Variants in ATP2C2 observed in about 807,000 individuals in gnomAD.
The protein encoded by ATP2C2 is calcium-transporting ATPase type 2C member 2.
A neutral mutation model predicts 110.8 loss-of-function variants in ATP2C2; 171 were observed. That is an observed-to-expected ratio of 1.54 (90% confidence interval 1.36 to 1.75). ATP2C2 has a LOEUF of 1.75. Ranked by LOEUF, ATP2C2 falls within the 40% of genes most tolerant of loss-of-function variation. The probability of loss-of-function intolerance (pLI) is 0.00; values close to 1 mark genes in which losing one functional copy is unlikely to be tolerated. For synonymous variants in ATP2C2, 804 were observed against 508.4 expected (o/e 1.58, Z -7.82); for missense variants, 1,963 against 1,235.0 (o/e 1.59, Z -8.84).
Position 84,422,371 on chromosome 16 carries a change from T to C in ATP2C2, c.625-19T>C. The C allele has an allele frequency of 6.2e-7, 1 of 1,610,102 alleles. No homozygotes were observed. The highest frequency in any genetic ancestry group is 1.1e-5 in the South Asian group (1 of 90,686). On this transcript the variant is annotated intron_variant, in intron 7 of 26. Coordinates refer to ENST00000262429, the MANE Select transcript of ATP2C2 (RefSeq NM_014861.4). The stretch of plus-strand genomic sequence containing the variant: ...GGGTGACAGAGAGATTCCACAGCCT[T>C]TTCCCCTTGCTCTCCTAGGTCACGG...
At chr16:84,446,303 A>C (rs1477447871) in intron 15 of ATP2C2, 26 bp from the exon 16 acceptor site, 1 of 1,450,434 alleles carries the variant, frequency 6.9e-7, no homozygotes, top group Non-Finnish European at 9.5e-7. Flanking sequence ...ATGACTCACT[A>C]AAAATGTGTC....
rs556464499 is a variant in ATP2C2, at chr16:84,422,594, C to A, written c.775-35C>A. 7 of 1,611,216 alleles carry A rather than the reference C, an allele frequency of 4.3e-6. No individual in the cohort carries two copies. The African/African-American group carries it at 8.0e-5, about 18-fold the overall frequency. On this transcript the variant is annotated intron_variant, in intron 8 of 26. Transcript: ENST00000262429. ...TCCCGTAACCCACAGGCTCCCAGCC[C>A]TTAGATTTCATACTTCTCTCTCTCC...
chr16:84,439,202 C>G lies in ATP2C2; in HGVS notation c.1023C>G (p.Ile341Met), dbSNP rs371072369. 6 of 1,612,274 alleles carry G rather than the reference C, an allele frequency of 3.7e-6. No homozygotes were observed. The East Asian group carries it at 1.3e-4, about 36-fold the overall frequency. The change falls in exon 12 of 27, where the codon ATC becomes ATG. Residue 341 changes from isoleucine to methionine, a missense_variant. Ile to Met is a conservative substitution (Grantham distance 10, BLOSUM62 1). Transcript: ENST00000262429. ...CGGCCATTCCAGAGGGTCTGCCCAT[C>G]GTCGTCATGGTGACGCTGGTCCTGG... ...AVAAIPEGLP[I>M]VVMVTLVLGV... is the part of the protein sequence containing the mutation.
chr16:84,386,029 A>G (rs184438410), intron 1 of ATP2C2, among the ~76,000 whole-genome samples: 54 of 152,340 alleles, frequency 3.5e-4, no homozygotes, highest in South Asian at 1.0e-3. Context: ...GGTGACTGCC[A>G]TGCCCTCTTG....
chr16:84,435,924 T>C (rs994215891), intron 11 of ATP2C2, among the ~76,000 whole-genome samples: 1 of 151,902 alleles, frequency 6.6e-6, no homozygotes, highest in Non-Finnish European at 1.5e-5. Flanking sequence ...AGGCCAGGAG[T>C]TCAAGACCAG....
At chr16:84,426,261 A>G (rs1907807607) in intron 11 of ATP2C2, among the ~76,000 whole-genome samples, 1 of 152,068 alleles carries the variant, frequency 6.6e-6, no homozygotes, top group African/African-American at 2.4e-5. Context: ...GAGATGCCAC[A>G]TGCTTTGAAA....
chr16:84,459,533 C>T (rs1295392061), intron 23 of ATP2C2, 147 bp downstream of exon 23: 12 of 1,548,046 alleles, frequency 7.8e-6, no homozygotes, highest in Middle Eastern at 1.7e-4. Context: ...AAGTGTGTTG[C>T]ACTGCAGTGA....
At chr16:84,402,284 C>T (rs1258838066) in intron 2 of ATP2C2, among the ~76,000 whole-genome samples, 2 of 152,170 alleles carry the variant, frequency 1.3e-5, no homozygotes, top group African/African-American at 4.8e-5. Flanking sequence ...AATTTGACTT[C>T]TTCCTTTCCA....
At chr16:84,461,599 T>A in intron 24 of ATP2C2, 115 bp from the exon 25 acceptor site, 1 of 906,634 alleles carries the variant, frequency 1.1e-6, no homozygotes, top group Non-Finnish European at 1.8e-6. Flanking sequence ...ATTCATGAGC[T>A]TGTAAGTGGC....
chr16:84,416,469 C>G (rs1042497298), intron 7 of ATP2C2, among the ~76,000 whole-genome samples: 1 of 152,162 alleles, frequency 6.6e-6, no homozygotes, highest in African/African-American at 2.4e-5. Context: ...CAAGGACCCG[C>G]TATTAAGAGG....
intron 24 of ATP2C2, 80 bp downstream of exon 24, chr16:84,460,881 C>T: frequency 1.3e-6 from 2 of 1,491,334 alleles, no homozygotes; most frequent in Non-Finnish European, 1.8e-6. Flanking sequence ...TGCCCTCCTG[C>T]CACAGCTCAC....
chr16:84,441,790 C>G (rs1355621230), intron 14 of ATP2C2, among the ~76,000 whole-genome samples: 2 of 152,142 alleles, frequency 1.3e-5, no homozygotes, highest in Admixed American at 1.3e-4. Flanking sequence ...GGCATGGTGG[C>G]ACACACCTGT....
intron 15 of ATP2C2, among the ~76,000 whole-genome samples, chr16:84,443,878 G>A (rs1343350096): frequency 6.6e-6 from 1 of 152,152 alleles, no homozygotes; most frequent in Non-Finnish European, 1.5e-5. Context: ...TAAGAACATT[G>A]GAAAGTCATT....
At chr16:84,431,148 A>G (rs1908243889) in intron 11 of ATP2C2, among the ~76,000 whole-genome samples, 1 of 152,174 alleles carries the variant, frequency 6.6e-6, no homozygotes. Context: ...ATTAATAAAA[A>G]TAATTACAAC....
intron 23 of ATP2C2, 146 bp downstream of exon 23, chr16:84,459,532 G>A: frequency 6.5e-7 from 1 of 1,548,006 alleles, no homozygotes; most frequent in Non-Finnish European, 8.7e-7. Flanking sequence ...GAAGTGTGTT[G>A]CACTGCAGTG....
chr16:84,461,869 C>A (rs564065272), intron 25 of ATP2C2, 57 bp downstream of exon 25: 2 of 1,607,054 alleles, frequency 1.2e-6, no homozygotes, highest in Admixed American at 1.7e-5. Flanking sequence ...TCGACAGCAG[C>A]GCCCCGACCC....
intron 11 of ATP2C2, among the ~76,000 whole-genome samples, chr16:84,438,173 AT>A (rs1244033397): frequency 1.3e-5 from 2 of 152,210 alleles, no homozygotes; most frequent in Non-Finnish European, 2.9e-5. Flanking sequence ...TTGTTTTTAC[AT>A]TTTTTAAAGG....
chr16:84,394,817 TCTC>T (rs1428199000), intron 1 of ATP2C2, among the ~76,000 whole-genome samples: 2 of 152,072 alleles, frequency 1.3e-5, no homozygotes, highest in Admixed American at 6.5e-5. Context: ...TCTGCAAAAT[TCTC>T]CTTTTTGCAA....
chr16:84,441,241 T>G (rs549899755), intron 14 of ATP2C2, among the ~76,000 whole-genome samples: 1 of 152,256 alleles, frequency 6.6e-6, no homozygotes, highest in East Asian at 1.9e-4. Context: ...GAGACCAGCC[T>G]GAGCAACGTA....
Sources: allele counts gnomAD v4.1 joint callset (sites outside exome capture counted in the v4.1 genomes callset), GRCh38; gene constraint gnomAD v4.1.1; transcripts MANE v1.5; gene names NCBI Gene and HGNC (gene_info 2026-07-23, HGNC 2026-07-21).